FLVCR1: variants seen among roughly 807,000 people sequenced by gnomAD.
The protein encoded by FLVCR1 is FLVCR choline and heme transporter 1.
Under a neutral mutation model 53.6 loss-of-function variants are expected in FLVCR1, and 34 were observed. The observed-to-expected ratio is 0.63, with a 90% CI of 0.48 to 0.84. The LOEUF (loss-of-function observed/expected upper bound fraction) is 0.84. Ranked by LOEUF, FLVCR1 falls within the 40% of genes least tolerant of loss-of-function variation. The probability of loss-of-function intolerance (pLI) is 0.00; values close to 1 mark genes in which losing one functional copy is unlikely to be tolerated. For synonymous variants in FLVCR1, 300 were observed against 286.3 expected, an observed-to-expected ratio of 1.05 and a Z score of -0.48; for missense variants, 677 against 696.7, an observed-to-expected ratio of 0.97 and a Z score of 0.32.
At chr1:212,870,062 G>A (rs1664554551) in intron 2 of FLVCR1, 1 of 152,164 alleles carries the variant, frequency 6.6e-6, no homozygotes, top group Non-Finnish European at 1.5e-5. Context: ...AGGATACAAA[G>A]AGACTCAGGA....
intron 8 of FLVCR1, among the ~76,000 whole-genome samples, chr1:212,894,053 G>C (rs559722466): frequency 1.3e-5 from 2 of 152,066 alleles, no homozygotes; most frequent in South Asian, 4.1e-4. Context: ...TAGGATTACA[G>C]GCATGAGCCA....
chr1:212,869,788 AG>A, intron 2 of FLVCR1, among the ~76,000 whole-genome samples: 1 of 152,358 alleles, frequency 6.6e-6, no homozygotes, highest in Admixed American at 6.5e-5. Flanking sequence ...TGCCCGCCTC[AG>A]GCCTCCCAAA....
At chr1:212,880,742 G>A (rs935449689) in intron 3 of FLVCR1, among the ~76,000 whole-genome samples, 1 of 149,826 alleles carries the variant, frequency 6.7e-6, no homozygotes, top group Non-Finnish European at 1.5e-5. Flanking sequence ...AGGTTGCAGT[G>A]AGCCGAAACT....
chr1:212,878,766 C>T lies in FLVCR1; in HGVS notation c.1025-4605C>T, dbSNP rs145569088. 6.1e-3 allele frequency among the ~76,000 whole-genome samples: 932 copies of T among 151,898 alleles called. 3 individuals carry two copies. Among genetic ancestry groups the T allele is most frequent in the Non-Finnish European group, 0.01 (688 of 67,928 alleles). On this transcript the variant is annotated intron_variant, in intron 3 of 9. Transcript: ENST00000366971. ...GAACTTCATAGAGAAAATTAGAAAA[C>T]ATTGAAAGGGATAAAGGGAGACCTG...
intron 5 of FLVCR1, among the ~76,000 whole-genome samples, chr1:212,886,042 C>CTTTTTTTTTTTTTTTTT (rs5780703): frequency 8.3e-6 from 1 of 121,166 alleles, no homozygotes; most frequent in African/African-American, 3.2e-5. Context: ...TTATCTTGTT[C>CTTTTTTTTTTTTTTTTT]TTTTTTTTTT....
At chr1:212,862,821 T>G (rs1362567131) in intron 1 of FLVCR1, among the ~76,000 whole-genome samples, 3 of 152,208 alleles carry the variant, frequency 2.0e-5, no homozygotes, top group African/African-American at 2.4e-5. Context: ...GGTTCCAATT[T>G]TTCCACATTC....
In FLVCR1 at chr1:212,862,540, G is replaced by A. The variant is rs535111746; in HGVS notation, c.739-1185G>A. 3.9e-5 allele frequency among the ~76,000 whole-genome samples: 6 copies of A among 152,250 alleles called. No individual in the cohort carries two copies. In the East Asian group the frequency reaches 1.2e-3, roughly 29 times the overall value. On this transcript the variant is annotated intron_variant, in intron 1 of 9. Transcript: ENST00000366971. ...TTTAATAGCTGAATAATATTTCATT[G>A]TATGAATATACCACATTTTGTTTAT...
rs1461231724 is a variant in FLVCR1, at chr1:212,872,561, C to T, written c.884-117C>T. On this transcript the variant is annotated intron_variant, in intron 2 of 9. Coordinates refer to ENST00000366971, the MANE Select transcript of FLVCR1 (RefSeq NM_014053.4). ...TAAAAGACTTATATACCTCTTTAAACTTAAACTGTATTCTGTCTGCTCACT... is the reference window on the plus strand; with the variant it reads ...TAAAAGACTTATATACCTCTTTAAATTTAAACTGTATTCTGTCTGCTCACT... 1.3e-5 allele frequency: 10 copies of T among 741,662 alleles called. No individual in the cohort carries two copies. The East Asian group carries it at 2.8e-4, about 21-fold the overall frequency. The allele number at this position is 741,662 out of a possible 1,614,324, so 45.9% of individuals were successfully genotyped here.
chr1:212,859,471 A>G (rs1219109929), intron 1 of FLVCR1, among the ~76,000 whole-genome samples: 1 of 152,172 alleles, frequency 6.6e-6, no homozygotes, highest in East Asian at 1.9e-4. Context: ...TAATCCCAGC[A>G]CTTTGGGAGG....
At position 212,888,131 on chromosome 1, in the gene FLVCR1, C is replaced by A. The variant is rs1665104299; in HGVS notation, c.1307+130C>A. ...TATTTTAAACTTTAAAGGATTCATT[C>A]TATGCATATAAACATGTAATTCTTA... On this transcript the variant is annotated intron_variant, in intron 6 of 9. Coordinates refer to ENST00000366971, the MANE Select transcript of FLVCR1 (RefSeq NM_014053.4). 6.1e-6 allele frequency: 4 copies of A among 655,936 alleles called. No homozygotes were observed. In the South Asian group the frequency reaches 7.2e-5, roughly 12 times the overall value. The allele number at this position is 655,936 out of a possible 1,614,324, so 40.6% of individuals were successfully genotyped here.
chr1:212,894,355 G>A (rs914869595), intron 8 of FLVCR1, among the ~76,000 whole-genome samples: 13 of 151,852 alleles, frequency 8.6e-5, no homozygotes, highest in African/African-American at 2.2e-4. Context: ...GAGTTTCACC[G>A]TGTTGGCCGG....
chr1:212,885,273 CT>C lies in FLVCR1; in HGVS notation c.1093-18del. 1 of 1,566,924 alleles carries C rather than the reference CT, an allele frequency of 6.4e-7. No individual in the cohort carries two copies. Among genetic ancestry groups the C allele is most frequent in the Non-Finnish European group, 8.8e-7 (1 of 1,137,094 alleles). ...GTTAATCCATTTATTTGATCAACTTCTTACGCAAATTTTTTTCAGGGAGAAG... is the reference window on the plus strand; with the variant it reads ...GTTAATCCATTTATTTGATCAACTTCTACGCAAATTTTTTTCAGGGAGAAG... On this transcript the variant is annotated intron_variant, in intron 4 of 9. Transcript: ENST00000366971.
rs764566523 is a variant in FLVCR1 at position 212,859,118 on chromosome 1, C to T, written c.666C>T (p.Ser222=). ...VAQVFILGLP[S]RIASVWFGPK... is the part of the protein sequence containing the mutation. ...AGGTGTTCATCCTGGGCTTGCCCTC[C>T]CGCATCGCCTCAGTGTGGTTTGGGC... The change falls in exon 1 of 10, where the codon TCC becomes TCT. Residue 222 remains serine, a synonymous_variant. Coordinates refer to ENST00000366971, the MANE Select transcript of FLVCR1 (RefSeq NM_014053.4). 2 of 1,613,822 alleles carry T rather than the reference C, an allele frequency of 1.2e-6. No individual in the cohort carries two copies. Among genetic ancestry groups the T allele is most frequent in the Non-Finnish European group, 1.7e-6 (2 of 1,180,032 alleles).
rs1360359949 is a variant in FLVCR1 at position 212,858,536 on chromosome 1, C to A, written c.84C>A (p.Gly28=). The change falls in exon 1 of 10, where the codon GGC becomes GGA. Residue 28 remains glycine (G), a synonymous_variant. Transcript: ENST00000366971. ...AAGGATACCTCCCGTTGCCGAGGGG[C>A]GCGCCCGTTGGGAAGGAGAGCGTGG... ...LAKGYLPLPR[G]APVGKESVEL... is the part of the protein sequence containing the mutation. The A allele has an allele frequency of 6.8e-7, 1 of 1,462,462 alleles. No individual in the cohort carries two copies. Among genetic ancestry groups the A allele is most frequent in the Non-Finnish European group, 9.0e-7 (1 of 1,109,222 alleles). 90.6% of individuals were successfully genotyped at this position (1,462,462 alleles called of 1,614,324 possible).
At chr1:212,861,843 G>C (rs1466609520) in intron 1 of FLVCR1, among the ~76,000 whole-genome samples, 1 of 151,872 alleles carries the variant, frequency 6.6e-6, no homozygotes, top group African/African-American at 2.4e-5. Context: ...CTAATTTTTT[G>C]TATTTTTTAG....
chr1:212,865,196 T>A lies in FLVCR1; in HGVS notation c.883+1327T>A, dbSNP rs145053538. On this transcript the variant is annotated intron_variant, in intron 2 of 9. Transcript: ENST00000366971. ...GCACAACGTGCAGGTTTGTTACATA[T>A]GTATACATGTGCCATGTTGGTGTGC... Among the ~76,000 whole-genome samples the A allele has an allele frequency of 5.5e-3, 828 of 151,876 alleles. 7 individuals carry two copies. The highest frequency in any genetic ancestry group is 0.019 in the African/African-American group (786 of 41,406).
At position 212,886,019 on chromosome 1, in the gene FLVCR1, C is replaced by T. The variant is rs41300953; in HGVS notation, c.1196+623C>T. On this transcript the variant is annotated intron_variant, in intron 5 of 9. Coordinates refer to ENST00000366971, the MANE Select transcript of FLVCR1 (RefSeq NM_014053.4). The stretch of plus-strand genomic sequence containing the variant: ...AGAGCCATTTCTGAGAAATATTTGA[C>T]TTTTGATAGACTTTATCTTGTTCTT... 4.2e-5 allele frequency among the ~76,000 whole-genome samples: 6 copies of T among 143,720 alleles called. No homozygotes were observed. The East Asian group carries it at 1.2e-3, about 30-fold the overall frequency. The allele number at this position is 143,720 out of a possible 152,430, so 94.3% of individuals were successfully genotyped here.
intron 3 of FLVCR1, among the ~76,000 whole-genome samples, chr1:212,880,338 G>T (rs1024793565): frequency 1.3e-5 from 2 of 152,208 alleles, no homozygotes; most frequent in African/African-American, 4.8e-5. Flanking sequence ...GAACAGCAAA[G>T]ATAATTTTGA....
chr1:212,865,280 A>AC (rs1664375668), intron 2 of FLVCR1, among the ~76,000 whole-genome samples: 1 of 128,464 alleles, frequency 7.8e-6, no homozygotes, highest in Non-Finnish European at 1.6e-5. Flanking sequence ...CCCTCCCCCC[A>AC]CCCCCCATCC....
Sources: gnomAD v4.1 joint callset for allele counts (sites outside exome capture counted in the v4.1 genomes callset) on GRCh38, gnomAD v4.1.1 for gene constraint, MANE v1.5 for transcripts, NCBI Gene and HGNC (gene_info 2026-07-23, HGNC 2026-07-21) for gene names.